RAB3IP: variants seen among roughly 807,000 people sequenced by gnomAD.
RAB3IP encodes the protein rab-3A-interacting protein.
RAB3IP carries 36 observed loss-of-function variants against 59.1 expected under a neutral mutation model. That is an observed-to-expected ratio of 0.61 (90% CI 0.47 to 0.80). The LOEUF is 0.80. Among genes scored for constraint, RAB3IP ranks in the 30% least tolerant of loss-of-function variants. The pLI is 0.00. For synonymous variants in RAB3IP, 207 were observed against 191.2 expected (o/e 1.08, Z -0.68); for missense variants, 511 against 536.0 (o/e 0.95, Z 0.46).
At chr12:69,812,126 A>G (rs1358329678) in intron 8 of RAB3IP, 1 of 152,304 alleles carries the variant, frequency 6.6e-6, no homozygotes, top group Admixed American at 6.5e-5. Flanking sequence ...AAGATGAATC[A>G]AAGTCCCTGC....
intron 1 of RAB3IP, among the ~76,000 whole-genome samples, chr12:69,742,859 A>G (rs1036896761): frequency 2.0e-5 from 3 of 152,232 alleles, no homozygotes; most frequent in African/African-American, 7.2e-5. Flanking sequence ...GGTTAGAGAA[A>G]AGTGGAAAAA....
intron 10 of RAB3IP, among the ~76,000 whole-genome samples, 197 bp downstream of exon 10, chr12:69,813,230 G>A (rs2136288707): frequency 6.6e-6 from 1 of 152,192 alleles, no homozygotes; most frequent in South Asian, 2.1e-4. Context: ...AAAATATTGT[G>A]TTTAATTATT....
Position 69,795,147 on chromosome 12 carries a change from G to C in RAB3IP, c.691G>C (p.Val231Leu). 6.2e-7 allele frequency: 1 copy of C among 1,611,076 alleles called. No homozygotes were observed. The highest frequency in any genetic ancestry group is 1.1e-5 in the South Asian group (1 of 90,896). Residue 231 changes from valine (V) to leucine (L), a missense_variant, in exon 6 of 11, where the codon GTA becomes CTA. Val to Leu is a conservative substitution (Grantham distance 32). Transcript: ENST00000247833. Reference protein sequence around the residue: ...QLKEAQGKIDVLQAEVAALKT... With the variant: ...QLKEAQGKIDLLQAEVAALKT... ...ATGTTGATTTCTTTCCAAGATTGAT[G>C]TACTTCAAGCTGAAGTAGCTGCATT... is the stretch of plus-strand genomic sequence containing the variant.
At chr12:69,781,113 T>C (rs1874627711) in intron 3 of RAB3IP, among the ~76,000 whole-genome samples, 1 of 152,172 alleles carries the variant, frequency 6.6e-6, no homozygotes, top group South Asian at 2.1e-4. Context: ...TTTCTTATAA[T>C]TTTTTTGGTT....
At chr12:69,787,742 A>G (rs1875926075) in intron 4 of RAB3IP, among the ~76,000 whole-genome samples, 2 of 152,088 alleles carry the variant, frequency 1.3e-5, no homozygotes, top group African/African-American at 4.8e-5. Context: ...AAACTTTTTG[A>G]TCCTGTACCT....
At chr12:69,779,631 G>T (rs1315858974) in intron 3 of RAB3IP, among the ~76,000 whole-genome samples, 1 of 146,100 alleles carries the variant, frequency 6.8e-6, no homozygotes, top group Non-Finnish European at 1.5e-5. Flanking sequence ...TAATTCTGTT[G>T]TTGAAGCTCT....
intron 4 of RAB3IP, among the ~76,000 whole-genome samples, chr12:69,785,498 G>T (rs1011096592): frequency 3.3e-5 from 5 of 152,182 alleles, no homozygotes; most frequent in African/African-American, 7.2e-5. Context: ...CAAACTGGAG[G>T]CCCAGGAGGG....
At chr12:69,798,060 A>G (rs1030590340) in intron 6 of RAB3IP, among the ~76,000 whole-genome samples, 4 of 152,258 alleles carry the variant, frequency 2.6e-5, no homozygotes, top group African/African-American at 9.6e-5. Context: ...GGCTGGGTCA[A>G]ATGGTATTTC....
At chr12:69,793,357 A>C (rs1242352408) in intron 4 of RAB3IP, among the ~76,000 whole-genome samples, 1 of 152,204 alleles carries the variant, frequency 6.6e-6, no homozygotes, top group African/African-American at 2.4e-5. Flanking sequence ...CAAACAGTCA[A>C]ACTCTGATGT....
chr12:69,757,231 T>C lies in RAB3IP; in HGVS notation c.510+568T>C, dbSNP rs374342249. 1.4e-4 allele frequency among the ~76,000 whole-genome samples: 21 copies of C among 152,256 alleles called. No homozygotes were observed. In the East Asian group the frequency reaches 2.5e-3, roughly 18 times the overall value. On this transcript the variant is annotated intron_variant, in intron 3 of 10. Coordinates refer to ENST00000247833, the MANE Select transcript of RAB3IP (RefSeq NM_022456.5). ...AGGAAAATTTATAGAATGAAATGCA[T>C]ACATCAGAAAACAGGAAAAGTCTCA...
chr12:69,754,342 G>GACACACACACACAC (rs146834778), intron 1 of RAB3IP, among the ~76,000 whole-genome samples: 88 of 150,080 alleles, frequency 5.9e-4, no homozygotes, highest in African/African-American at 2.0e-3. Flanking sequence ...CAGATACACG[G>GACACACACACACAC]GCACACACAC....
At chr12:69,805,988 G>A (rs1241779941) in intron 8 of RAB3IP, among the ~76,000 whole-genome samples, 1 of 152,142 alleles carries the variant, frequency 6.6e-6, no homozygotes, top group African/African-American at 2.4e-5. Flanking sequence ...CCCGGCTTTG[G>A]TATCAGGATG....
chr12:69,817,684 A>ACACACACACACACACG lies in RAB3IP; in HGVS notation c.*2241_*2242insACACACACACACGCAC, dbSNP rs1881282869. 1 of 151,518 alleles carries ACACACACACACACACG rather than the reference A, an allele frequency of 6.6e-6. No individual in the cohort carries two copies. Among genetic ancestry groups the ACACACACACACACACG allele is most frequent in the Admixed American group, 6.6e-5 (1 of 15,118 alleles). The allele number at this position is 151,518 out of a possible 1,614,324, so 9.4% of individuals were successfully genotyped here. A position where few individuals can be genotyped will look rare whatever the true frequency, so the allele number is the denominator to read the frequency against. Reference sequence around the variant, plus strand: ...CACACACACACACACACACACACACACACTGTGTCCATGAACTTGGGAGGA... The same window carrying ACACACACACACACACG: ...CACACACACACACACACACACACACACACACACACACACACGCACTGTGTCCATGAACTTGGGAGGA... On this transcript the variant is annotated 3_prime_UTR_variant, in exon 11 of 11. Transcript: ENST00000247833.
At chr12:69,809,199 A>C (rs10748137) in intron 8 of RAB3IP, among the ~76,000 whole-genome samples, 131,560 of 148,396 alleles carry the variant, frequency 0.89, 58,454 homozygotes, top group Admixed American at 0.93. Context: ...GTTGAAAATT[A>C]TTTTCTTTAA....
At chr12:69,806,465 T>C (rs1188901530) in intron 8 of RAB3IP, among the ~76,000 whole-genome samples, 4 of 152,226 alleles carry the variant, frequency 2.6e-5, no homozygotes, top group Admixed American at 2.6e-4. Flanking sequence ...ATTCATTGAT[T>C]TTTTTGAAGG....
Position 69,743,680 on chromosome 12 carries a change from AGAAG to A in RAB3IP, c.-26+4655_-26+4658del, listed in dbSNP as rs536514985. On this transcript the variant is annotated intron_variant, in intron 1 of 10. Coordinates refer to ENST00000247833, the MANE Select transcript of RAB3IP (RefSeq NM_022456.5). Reference sequence around the variant, plus strand: ...GCTTGTCAGTGACAGAATCTGAACTAGAAGGAAGGTTTTCTGAAGTTAGTCTGTT... The same window carrying A: ...GCTTGTCAGTGACAGAATCTGAACTAGAAGGTTTTCTGAAGTTAGTCTGTT... Among the ~76,000 whole-genome samples, 674 of 152,334 alleles carry A rather than the reference AGAAG, an allele frequency of 4.4e-3. 4 individuals carry two copies. The highest frequency in any genetic ancestry group is 0.013 in the African/African-American group (561 of 41,584).
chr12:69,801,615 T>C lies in RAB3IP; in HGVS notation c.1024T>C (p.Ser342Pro). The part of the protein sequence containing the change: ...CLTFSKSELA[S>P]AVLEAVENNT... Reference sequence around the variant, plus strand: ...CTTTTTCTTTTTTTTTAAGTTGGCTTCAGCTGTTCTGGAGGCTGTGGAAAA... The same window carrying C: ...CTTTTTCTTTTTTTTTAAGTTGGCTCCAGCTGTTCTGGAGGCTGTGGAAAA... Residue 342 changes from serine (S) to proline (P), a missense_variant, in exon 8 of 11, where the codon TCA (serine) becomes CCA (proline). Coordinates refer to ENST00000247833, the MANE Select transcript of RAB3IP (RefSeq NM_022456.5). 1 of 1,606,678 alleles carries C rather than the reference T, an allele frequency of 6.2e-7. No homozygotes were observed. The highest frequency in any genetic ancestry group is 8.5e-7 in the Non-Finnish European group (1 of 1,175,544).
chr12:69,750,673 G>A (rs1253557208), intron 1 of RAB3IP, among the ~76,000 whole-genome samples: 7 of 145,476 alleles, frequency 4.8e-5, no homozygotes, highest in Non-Finnish European at 9.0e-5. Context: ...TTTCTCCTCT[G>A]TATTTACTAT....
intron 1 of RAB3IP, among the ~76,000 whole-genome samples, chr12:69,749,466 T>C (rs1431449245): frequency 6.6e-6 from 1 of 152,204 alleles, no homozygotes; most frequent in Non-Finnish European, 1.5e-5. Flanking sequence ...TTCATTCTGT[T>C]AGGTAGCAAA....
Sources: gnomAD v4.1 joint callset for allele counts (sites outside exome capture counted in the v4.1 genomes callset) on GRCh38, gnomAD v4.1.1 for gene constraint, MANE v1.5 for transcripts, NCBI Gene and HGNC (gene_info 2026-07-23, HGNC 2026-07-21) for gene names.